TXNDC8: variants seen among roughly 807,000 people sequenced by gnomAD.
TXNDC8 encodes the protein thioredoxin domain-containing protein 8.
In TXNDC8, 15 loss-of-function variants were observed where a neutral mutation model predicts 12.9. The ratio of observed to expected loss-of-function variants is 1.16; its 90% confidence interval spans 0.78 to 1.79. The LOEUF (loss-of-function observed/expected upper bound fraction) is 1.79. Ranked by LOEUF, TXNDC8 falls within the 40% of genes most tolerant of loss-of-function variation. The probability of loss-of-function intolerance (pLI) is 0.00; values close to 1 mark genes in which losing one functional copy is unlikely to be tolerated. For synonymous variants in TXNDC8, 40 were observed against 35.4 expected (o/e 1.13, Z -0.46); for missense variants, 128 against 113.2 (o/e 1.13, Z -0.59).
chr9:110,326,010 AGTT>A (rs1237544777), intron 3 of TXNDC8, among the ~76,000 whole-genome samples, 162 bp downstream of exon 4: 1 of 152,196 alleles, frequency 6.6e-6, no homozygotes, highest in African/African-American at 2.4e-5. Context: ...TTGTATGTAA[AGTT>A]GTTGTATGTA....
At chr9:110,335,243 A>T (rs1013061390) in intron 1 of TXNDC8, among the ~76,000 whole-genome samples, 3 of 151,886 alleles carry the variant, frequency 2.0e-5, no homozygotes, top group Admixed American at 6.6e-5. Context: ...TTTTAATTTA[A>T]TTTTATTTTT....
At chr9:110,331,332 G>A (rs1208956444) in intron 2 of TXNDC8, among the ~76,000 whole-genome samples, 1 of 152,122 alleles carries the variant, frequency 6.6e-6, no homozygotes, top group Non-Finnish European at 1.5e-5. Context: ...TTCTGACTCT[G>A]ACCGCTGCTC....
intron 3 of TXNDC8, chr9:110,323,758 C>A: frequency 2.3e-6 from 3 of 1,320,968 alleles, no homozygotes; most frequent in Non-Finnish European, 3.1e-6. Flanking sequence ...TGGCTTGACT[C>A]TGTTTTCTTC....
chr9:110,302,634 G>GT (rs369362259), downstream of TXNDC8, among the ~76,000 whole-genome samples: 9,598 of 139,926 alleles, frequency 0.069, 310 homozygotes, highest in Middle Eastern at 0.097. Flanking sequence ...AGTTAGCTCA[G>GT]TTTTTTTTTT....
rs67807947 is a variant in TXNDC8 at position 110,310,200 on chromosome 9, G to GGTGT, written c.196-5672_196-5669dup. Among the ~76,000 whole-genome samples the GGTGT allele has an allele frequency of 9.9e-3, 1,478 of 149,504 alleles. 26 individuals are homozygous for GGTGT. The highest frequency in any genetic ancestry group is 0.034 in the African/African-American group (1,395 of 40,792). ...CCTAAGTTATAGGATCTTTGTGTGTGGTGTGTGTGTGTGTGTGTGTGTGTG... is the reference window on the plus strand; with the variant it reads ...CCTAAGTTATAGGATCTTTGTGTGTGGTGTGTGTGTGTGTGTGTGTGTGTGTGTG... On this transcript the variant is annotated intron_variant, in intron 3 of 4. Coordinates refer to ENST00000423740, the MANE Select transcript of TXNDC8 (RefSeq NM_001286946.2).
chr9:110,311,377 T>G (rs759225209), intron 3 of TXNDC8, among the ~76,000 whole-genome samples: 2 of 151,254 alleles, frequency 1.3e-5, no homozygotes, highest in Non-Finnish European at 1.5e-5. Context: ...AAAACATTCT[T>G]TTTTAAAGAA....
chr9:110,335,198 G>C (rs917150264), intron 1 of TXNDC8, among the ~76,000 whole-genome samples: 1 of 152,154 alleles, frequency 6.6e-6, no homozygotes, highest in Non-Finnish European at 1.5e-5. Context: ...TGTACTCATA[G>C]AGTAAGTGCT....
At chr9:110,314,729 G>A (rs931537697) in intron 3 of TXNDC8, among the ~76,000 whole-genome samples, 1 of 152,162 alleles carries the variant, frequency 6.6e-6, no homozygotes, top group African/African-American at 2.4e-5. Flanking sequence ...ACCGCGCCCG[G>A]CCAGCAAATT....
chr9:110,333,742 A>T (rs1839634281), intron 2 of TXNDC8, among the ~76,000 whole-genome samples: 1 of 152,246 alleles, frequency 6.6e-6, no homozygotes, highest in Non-Finnish European at 1.5e-5. Context: ...CAATAAAGAT[A>T]TTTAACAATT....
chr9:110,323,640 A>C, intron 3 of TXNDC8: 1 of 368,414 alleles, frequency 2.7e-6, no homozygotes, highest in Non-Finnish European at 4.5e-6. Flanking sequence ...TTGGGTTGCA[A>C]GTGACAGAGA....
chr9:110,323,243 G>A, intron 3 of TXNDC8: 1 of 985,374 alleles, frequency 1.0e-6, no homozygotes, highest in Non-Finnish European at 1.2e-6. Context: ...AAGGAGAGAG[G>A]TAGAATGGGA....
At chr9:110,304,951 C>T (rs1306745242) in intron 3 of TXNDC8, among the ~76,000 whole-genome samples, 1 of 151,846 alleles carries the variant, frequency 6.6e-6, no homozygotes, top group Non-Finnish European at 1.5e-5. Flanking sequence ...AGTTTGAAAC[C>T]AGTCTGGCCA....
At chr9:110,316,145 C>T (rs10816970) in intron 3 of TXNDC8, among the ~76,000 whole-genome samples, 27,775 of 149,874 alleles carry the variant, frequency 0.19, 2,687 homozygotes, top group Middle Eastern at 0.24. Context: ...GAACACCTGG[C>T]CTCAAAGTGA....
At chr9:110,308,002 G>A (rs1216624874) in intron 3 of TXNDC8, among the ~76,000 whole-genome samples, 4 of 152,148 alleles carry the variant, frequency 2.6e-5, no homozygotes, top group Non-Finnish European at 5.9e-5. Flanking sequence ...AGGTGTTTGG[G>A]GTTCACATTT....
intron 2 of TXNDC8, among the ~76,000 whole-genome samples, chr9:110,331,424 T>A (rs1475021389): frequency 6.6e-6 from 1 of 152,190 alleles, no homozygotes; most frequent in East Asian, 1.9e-4. Context: ...TCTCCACAGG[T>A]GGGTCTGTGG....
At chr9:110,310,200 G>T (rs1051510106) in intron 3 of TXNDC8, among the ~76,000 whole-genome samples, 1 of 149,400 alleles carries the variant, frequency 6.7e-6, no homozygotes, top group African/African-American at 2.5e-5. Flanking sequence ...CTTTGTGTGT[G>T]GTGTGTGTGT....
chr9:110,310,676 A>C (rs1161518142), intron 3 of TXNDC8, among the ~76,000 whole-genome samples: 1 of 152,252 alleles, frequency 6.6e-6, no homozygotes, highest in Non-Finnish European at 1.5e-5. Flanking sequence ...TATGTAACTT[A>C]AGTAAAATCT....
At position 110,337,820 on chromosome 9, in the gene TXNDC8, G is replaced by A. The variant is rs1251158846; in HGVS notation, c.-24C>T. 6.2e-7 allele frequency: 1 copy of A among 1,613,172 alleles called. No homozygotes were observed. The highest frequency in any genetic ancestry group is 1.7e-5 in the Admixed American group (1 of 59,976). ...ATGATTACACCAGGGAAGTGCTGAT[G>A]AAAATCCCCTGTTGGTTTAGTTGGA... On this transcript the variant is annotated 5_prime_UTR_variant, in exon 1 of 5. Coordinates refer to ENST00000423740, the MANE Select transcript of TXNDC8 (RefSeq NM_001286946.2).
At chr9:110,303,804 C>T (rs1838326432) in intron 4 of TXNDC8, 1 of 1,005,332 alleles carries the variant, frequency 9.9e-7, no homozygotes, top group Non-Finnish European at 1.4e-6. Flanking sequence ...TTTGCCAGAT[C>T]TCTATAATTC....
Sources: gnomAD v4.1 joint callset for allele counts (sites outside exome capture counted in the v4.1 genomes callset) on GRCh38, gnomAD v4.1.1 for gene constraint, MANE v1.5 for transcripts, NCBI Gene and HGNC (gene_info 2026-07-23, HGNC 2026-07-21) for gene names.